SPINK5: variants seen among roughly 807,000 people sequenced by gnomAD.
SPINK5 encodes serine peptidase inhibitor Kazal type 5.
A neutral mutation model predicts 151.8 loss-of-function variants in SPINK5; 125 were observed. That is an observed-to-expected ratio of 0.82 (90% CI 0.71 to 0.96). SPINK5 has a LOEUF of 0.96. Ranked by LOEUF, SPINK5 falls within the 40% of genes least tolerant of loss-of-function variation. The pLI is 0.00. For missense variants in SPINK5, 1,194 were observed against 1,291.9 expected (o/e 0.92, Z 1.16); for synonymous variants, 374 against 395.3 (o/e 0.95, Z 0.64).
intron 30 of SPINK5, 141 bp from the exon 31 acceptor site, chr5:148,131,118 C>CT: frequency 8.3e-7 from 1 of 1,197,692 alleles, no homozygotes; most frequent in South Asian, 1.2e-5. Flanking sequence ...CAAAATCAAT[C>CT]TTTGAGTTTG....
chr5:148,111,784 A>G lies in SPINK5; in HGVS notation c.1709A>G (p.Tyr570Cys). Residue 570 changes from tyrosine (Y) to cysteine (C), a missense_variant, in exon 19 of 33, where the codon TAT (tyrosine) becomes TGT (cysteine). Tyr to Cys is a radical substitution (Grantham distance 194). Coordinates refer to ENST00000256084, the MANE Select transcript of SPINK5 (RefSeq NM_006846.4). ...REAVQELCSE[Y>C]RHYVRNGRLP... ...ATTTGGCAGGAGCTGTGCAGTGAAT[A>G]TCGTCATTATGTGAGGAATGGACGA... The G allele has an allele frequency of 6.2e-7, 1 of 1,614,048 alleles. No homozygotes were observed. The highest frequency in any genetic ancestry group is 8.5e-7 in the Non-Finnish European group (1 of 1,179,914).
chr5:148,065,224 C>T, intron 1 of SPINK5, 123 bp from the exon 2 acceptor site: 1 of 1,024,194 alleles, frequency 9.8e-7, no homozygotes, highest in East Asian at 2.6e-5. Flanking sequence ...GTTCAAAAAC[C>T]ATTTGCGGTT....
intron 4 of SPINK5, 137 bp downstream of exon 4, chr5:148,072,357 TC>T: frequency 1.1e-6 from 1 of 874,042 alleles, no homozygotes; most frequent in Non-Finnish European, 1.9e-6. Context: ...CATGGGTTAG[TC>T]CAGGGGTGGG....
chr5:148,099,172 G>T, intron 11 of SPINK5, 62 bp from the exon 12 acceptor site: 1 of 1,459,632 alleles, frequency 6.9e-7, no homozygotes, highest in South Asian at 1.2e-5. Flanking sequence ...GTGCAAGGAT[G>T]TGGAGAAATC....
At chr5:148,117,441 T>C (rs1218016696) in intron 22 of SPINK5, among the ~76,000 whole-genome samples, 1 of 152,210 alleles carries the variant, frequency 6.6e-6, no homozygotes, top group East Asian at 1.9e-4. Flanking sequence ...GCCAGCTAAA[T>C]ATTTTAAGCA....
chr5:148,105,082 T>C (rs999695014), intron 16 of SPINK5, 82 bp downstream of exon 16: 2 of 1,440,362 alleles, frequency 1.4e-6, no homozygotes, highest in African/African-American at 2.9e-5. Flanking sequence ...TTAGAATAAA[T>C]GTTTTCTGTT....
intron 30 of SPINK5, among the ~76,000 whole-genome samples, chr5:148,129,219 G>C (rs1754513801): frequency 6.6e-6 from 1 of 152,154 alleles, no homozygotes; most frequent in African/African-American, 2.4e-5. Flanking sequence ...TGTTATAAAG[G>C]GTTTTGTAGA....
At chr5:148,096,017 C>A in intron 10 of SPINK5, 112 bp downstream of exon 10, 1 of 862,670 alleles carries the variant, frequency 1.2e-6, no homozygotes, top group South Asian at 1.4e-5. Context: ...TAATATTTTC[C>A]ACACTACTAG....
intron 4 of SPINK5, among the ~76,000 whole-genome samples, chr5:148,074,229 T>G (rs936998459): frequency 4.0e-5 from 6 of 151,802 alleles, no homozygotes; most frequent in African/African-American, 1.4e-4. Context: ...TCACTCTCTC[T>G]TTCATCACTA....
At position 148,133,922 on chromosome 5, in the gene SPINK5, G is replaced by A. The variant is rs186134598; in HGVS notation, c.3186+35G>A. 5.6e-5 allele frequency: 89 copies of A among 1,603,330 alleles called. No homozygotes were observed. In the East Asian group the frequency reaches 1.2e-3, roughly 22 times the overall value. ...TAAGTAGACTGGCCTCCATGGTTAC[G>A]TTGTGAGGAGCACTGGGTTCTGGTT... On this transcript the variant is annotated intron_variant, in intron 32 of 32. Transcript: ENST00000256084.
Position 148,089,375 on chromosome 5 carries a change from G to T in SPINK5, c.475-119G>T, listed in dbSNP as rs558670705. The T allele has an allele frequency of 2.8e-4, 358 of 1,300,430 alleles. 9 individuals are homozygous for T. The South Asian group carries it at 4.2e-3, about 15-fold the overall frequency. 80.6% of individuals were successfully genotyped at this position (1,300,430 alleles called of 1,614,324 possible). The stretch of plus-strand genomic sequence containing the variant: ...TTACTGAGCTACATCTACACAGCTG[G>T]TACTGCTCTAAGTGGCCCATAGCAA... On this transcript the variant is annotated intron_variant, in intron 6 of 32. Transcript: ENST00000256084.
intron 2 of SPINK5, among the ~76,000 whole-genome samples, chr5:148,066,391 A>G (rs1752586218): frequency 6.6e-6 from 1 of 152,192 alleles, no homozygotes; most frequent in Non-Finnish European, 1.5e-5. Context: ...GTTTTGCTGA[A>G]TATGTGGCAA....
rs754527517 is a variant in SPINK5 at position 148,118,488 on chromosome 5, A to G, written c.2164A>G (p.Thr722Ala). The G allele has an allele frequency of 2.5e-6, 4 of 1,614,144 alleles. No individual in the cohort carries two copies. Among genetic ancestry groups the G allele is most frequent in the East Asian group, 2.2e-5 (1 of 44,868 alleles). The part of the protein sequence containing the change: ...EQMKNGRLSC[T>A]RESDPVRDAD... ...AATGAAAAATGGAAGACTCAGCTGT[A>G]CTCGGGAGAGTGATCCTGTACGTGA... Residue 722 changes from threonine (T) to alanine (A), a missense_variant, in exon 23 of 33, where the codon ACT (threonine) becomes GCT (alanine). Thr to Ala is a moderately conservative substitution (Grantham distance 58). Coordinates refer to ENST00000256084, the MANE Select transcript of SPINK5 (RefSeq NM_006846.4).
intron 1 of SPINK5, among the ~76,000 whole-genome samples, chr5:148,065,131 T>C (rs1752543798): frequency 2.0e-5 from 3 of 152,200 alleles, no homozygotes. Flanking sequence ...TGTAACTTTC[T>C]GAGTGATTAG....
At chr5:148,107,917 G>A (rs1753823388) in intron 17 of SPINK5, among the ~76,000 whole-genome samples, 1 of 152,106 alleles carries the variant, frequency 6.6e-6, no homozygotes, top group Admixed American at 6.6e-5. Context: ...CGAGAAAAAC[G>A]CTTATTTAAA....
chr5:148,107,616 G>T (rs539131015), intron 17 of SPINK5, among the ~76,000 whole-genome samples: 21 of 152,312 alleles, frequency 1.4e-4, no homozygotes, highest in Non-Finnish European at 2.4e-4. Flanking sequence ...GAATAGGAAG[G>T]ATTGTTATTT....
chr5:148,122,844 C>G (rs558295461), intron 26 of SPINK5, among the ~76,000 whole-genome samples: 1 of 147,300 alleles, frequency 6.8e-6, no homozygotes, highest in Non-Finnish European at 1.5e-5. Context: ...TTAAACCACA[C>G]GATAAAGCAC....
Position 148,118,550 on chromosome 5 carries a change from G to A in SPINK5, c.2226G>A (p.Met742Ile). The stretch of plus-strand genomic sequence containing the variant: ...AATCGTACAACAATCAGTGTACCAT[G>A]TGTAAAGCAAAATTGTAAGTATTTC... ...DGKSYNNQCT[M>I]CKAKLEREAE... The change falls in exon 23 of 33, where the codon ATG (methionine) becomes ATA (isoleucine). Residue 742 changes from methionine to isoleucine, a missense_variant. By Grantham distance (10) the Met-to-Ile change is conservative. Coordinates refer to ENST00000256084, the MANE Select transcript of SPINK5 (RefSeq NM_006846.4). 1 of 1,614,120 alleles carries A rather than the reference G, an allele frequency of 6.2e-7. No individual in the cohort carries two copies. The highest frequency in any genetic ancestry group is 1.7e-5 in the Admixed American group (1 of 60,022).
intron 23 of SPINK5, 126 bp downstream of exon 23, chr5:148,118,690 A>G (rs1581100353): frequency 7.2e-7 from 1 of 1,398,150 alleles, no homozygotes; most frequent in Admixed American, 1.9e-5. Flanking sequence ...CAAATATTCT[A>G]TTTTTTTCTC....
Sources: gnomAD v4.1 joint callset for allele counts (sites outside exome capture counted in the v4.1 genomes callset) on GRCh38, gnomAD v4.1.1 for gene constraint, MANE v1.5 for transcripts, NCBI Gene and HGNC (gene_info 2026-07-23, HGNC 2026-07-21) for gene names.